Variants in CTNNA3 observed in about 807,000 individuals in gnomAD.
CTNNA3 encodes the protein catenin alpha 3, also known as catenin alpha-3.
Under a neutral mutation model 95.7 loss-of-function variants are expected in CTNNA3, and 76 were observed. The observed-to-expected ratio is 0.79, with a 90% CI of 0.66 to 0.96. CTNNA3 has a LOEUF of 0.96. CTNNA3 is among the 40% of genes least tolerant of loss of function. The pLI is 0.00. For missense variants in CTNNA3, 1,191 were observed against 1,089.8 expected (o/e 1.09, Z -1.31); for synonymous variants, 431 against 374.4 (o/e 1.15, Z -1.74).
intron 15 of CTNNA3, among the ~76,000 whole-genome samples, chr10:66,033,135 C>CTTTTTTTTT (rs10665142): frequency 6.1e-5 from 8 of 131,892 alleles, no homozygotes; most frequent in Admixed American, 1.6e-4. Flanking sequence ...TTCTTTTTTT[C>CTTTTTTTTT]TTTTTTTTTT....
At chr10:66,070,578 G>C (rs866871075) in intron 14 of CTNNA3, among the ~76,000 whole-genome samples, 1 of 151,992 alleles carries the variant, frequency 6.6e-6, no homozygotes, top group Admixed American at 6.6e-5. Context: ...ATATACACTG[G>C]TATATTATGG....
At chr10:66,238,760 C>T (rs912132296) in intron 13 of CTNNA3, among the ~76,000 whole-genome samples, 8 of 151,774 alleles carry the variant, frequency 5.3e-5, no homozygotes, top group African/African-American at 1.9e-4. Flanking sequence ...GATAAGACTA[C>T]AAATGATTTT....
chr10:67,043,479 T>C (rs889861090), intron 7 of CTNNA3, among the ~76,000 whole-genome samples: 1 of 152,168 alleles, frequency 6.6e-6, no homozygotes, highest in Non-Finnish European at 1.5e-5. Context: ...CTAAGCTGCA[T>C]GTCATTTAGC....
chr10:67,490,854 A>C (rs762032654), intron 5 of CTNNA3, among the ~76,000 whole-genome samples: 1 of 152,142 alleles, frequency 6.6e-6, no homozygotes, highest in Non-Finnish European at 1.5e-5. Flanking sequence ...TGAACATAAG[A>C]AGAAATAAGA....
At chr10:66,129,636 C>T (rs2082993850) in intron 13 of CTNNA3, among the ~76,000 whole-genome samples, 1 of 152,118 alleles carries the variant, frequency 6.6e-6, no homozygotes, top group Non-Finnish European at 1.5e-5. Flanking sequence ...TTCTGGGGCC[C>T]CAGCCTGGCC....
chr10:66,992,242 T>C (rs942538248), intron 7 of CTNNA3, among the ~76,000 whole-genome samples: 17 of 152,320 alleles, frequency 1.1e-4, no homozygotes, highest in African/African-American at 4.1e-4. Flanking sequence ...ATTATTGATT[T>C]AATTTTTATT....
At chr10:67,474,825 G>A (rs1363765406) in intron 5 of CTNNA3, among the ~76,000 whole-genome samples, 3 of 152,116 alleles carry the variant, frequency 2.0e-5, no homozygotes, top group African/African-American at 4.8e-5. Context: ...CATTGCTGCT[G>A]GGAATGCAAA....
At chr10:66,004,965 C>T (rs115262745) in intron 15 of CTNNA3, among the ~76,000 whole-genome samples, 1,547 of 152,258 alleles carry the variant, frequency 0.01, 30 homozygotes, top group African/African-American at 0.036. Context: ...AAGTAAGTTT[C>T]ACTAGGCTAA....
intron 3 of CTNNA3, among the ~76,000 whole-genome samples, chr10:67,552,234 G>T (rs995792712): frequency 6.6e-6 from 1 of 152,180 alleles, no homozygotes; most frequent in Non-Finnish European, 1.5e-5. Flanking sequence ...GCATATTTAA[G>T]TACAATCATT....
chr10:66,561,623 G>C (rs1842555716), intron 10 of CTNNA3, among the ~76,000 whole-genome samples: 1 of 152,080 alleles, frequency 6.6e-6, no homozygotes, highest in African/African-American at 2.4e-5. Flanking sequence ...AGTATCACAA[G>C]AGAGGAAGTT....
At chr10:66,970,975 TTTTC>T (rs1400044114) in intron 7 of CTNNA3, among the ~76,000 whole-genome samples, 1 of 152,176 alleles carries the variant, frequency 6.6e-6, no homozygotes, top group Non-Finnish European at 1.5e-5. Context: ...ATTTCAGTTG[TTTTC>T]TTTCCTTTCT....
intron 12 of CTNNA3, among the ~76,000 whole-genome samples, chr10:66,359,686 G>A (rs941703722): frequency 9.9e-5 from 15 of 152,018 alleles, no homozygotes; most frequent in African/African-American, 3.1e-4. Context: ...CATTCTTCTT[G>A]AGAGAAAGAA....
chr10:66,462,564 A>T (rs2093536945), intron 11 of CTNNA3, among the ~76,000 whole-genome samples: 1 of 152,088 alleles, frequency 6.6e-6, no homozygotes, highest in Non-Finnish European at 1.5e-5. Flanking sequence ...TGTCATAGGA[A>T]TATAGTTCAA....
At chr10:66,446,408 T>C (rs1478768682) in intron 11 of CTNNA3, among the ~76,000 whole-genome samples, 11 of 151,902 alleles carry the variant, frequency 7.2e-5, no homozygotes. Flanking sequence ...TGATGAACAT[T>C]GATGCAAAAA....
At chr10:67,273,273 A>G (rs1370603190) in intron 5 of CTNNA3, among the ~76,000 whole-genome samples, 2 of 152,210 alleles carry the variant, frequency 1.3e-5, no homozygotes, top group Non-Finnish European at 2.9e-5. Flanking sequence ...CAACTCAATA[A>G]TAAGACAAAC....
chr10:67,637,639 A>T (rs527672954), intron 2 of CTNNA3, among the ~76,000 whole-genome samples: 5 of 152,332 alleles, frequency 3.3e-5, no homozygotes, highest in Non-Finnish European at 7.4e-5. Flanking sequence ...CCACAAAGGG[A>T]AGCCCATCAG....
At chr10:65,941,991 C>T (rs1229681124) in intron 17 of CTNNA3, among the ~76,000 whole-genome samples, 1 of 152,108 alleles carries the variant, frequency 6.6e-6, no homozygotes, top group Non-Finnish European at 1.5e-5. Flanking sequence ...CCCAAGCCCT[C>T]GTCACCTGTT....
chr10:66,715,326 C>T (rs187673052), intron 9 of CTNNA3, among the ~76,000 whole-genome samples: 129 of 152,096 alleles, frequency 8.5e-4, no homozygotes, highest in Non-Finnish European at 1.5e-3. Context: ...ACCCCTAGTT[C>T]ACAAGTTAAA....
intron 11 of CTNNA3, among the ~76,000 whole-genome samples, chr10:66,497,711 A>C (rs1429694173): frequency 6.6e-6 from 1 of 152,136 alleles, no homozygotes; most frequent in Admixed American, 6.5e-5. Context: ...ATAGAAAAGC[A>C]GAAATAGAAA....
Sources: allele counts gnomAD v4.1 joint callset (sites outside exome capture counted in the v4.1 genomes callset), GRCh38; gene constraint gnomAD v4.1.1; transcripts MANE v1.5; gene names NCBI Gene and HGNC (gene_info 2026-07-23, HGNC 2026-07-21).